AGBL3: variants seen among roughly 807,000 people sequenced by gnomAD.
AGBL3 encodes cytosolic carboxypeptidase 3.
In AGBL3, 68 loss-of-function variants were observed where a neutral mutation model predicts 94.5. The ratio of observed to expected loss-of-function variants is 0.72; its 90% CI spans 0.59 to 0.88. The LOEUF (loss-of-function observed/expected upper bound fraction) is 0.88, where lower values mean the gene tolerates loss of function less well. Among genes scored for constraint, AGBL3 ranks in the 40% least tolerant of loss-of-function variants. The pLI, the probability that AGBL3 is intolerant of heterozygous loss-of-function variation, is 0.00. For missense variants in AGBL3, 934 were observed against 1,103.8 expected (o/e 0.85, Z 2.18); for synonymous variants, 354 against 370.7 (o/e 0.95, Z 0.52).
At chr7:135,000,698 A>G (rs1811607072) in intron 4 of AGBL3, among the ~76,000 whole-genome samples, 1 of 152,236 alleles carries the variant, frequency 6.6e-6, no homozygotes, top group South Asian at 2.1e-4. Context: ...ATTCAGTCAC[A>G]GGGGCATTTT....
intron 16 of AGBL3, among the ~76,000 whole-genome samples, chr7:135,116,649 C>G (rs1229005932): frequency 6.6e-6 from 1 of 152,122 alleles, no homozygotes; most frequent in Non-Finnish European, 1.5e-5. Context: ...AAAGTTCTGG[C>G]TTCTATTTGT....
intron 11 of AGBL3, among the ~76,000 whole-genome samples, chr7:135,049,443 ATGAAT>A (rs777112540): frequency 2.0e-5 from 3 of 151,980 alleles, no homozygotes; most frequent in Non-Finnish European, 4.4e-5. Context: ...GCGTCCTAAA[ATGAAT>A]TGAAAGTTCA....
At chr7:135,016,101 A>C (rs1319518849) in intron 4 of AGBL3, among the ~76,000 whole-genome samples, 3 of 152,036 alleles carry the variant, frequency 2.0e-5, no homozygotes, top group Non-Finnish European at 2.9e-5. Flanking sequence ...TGAAATTCCT[A>C]ATGTTTTCAG....
intron 15 of AGBL3, chr7:135,093,482 G>A (rs1333730324): frequency 6.6e-6 from 1 of 152,024 alleles, no homozygotes; most frequent in African/African-American, 2.4e-5. Flanking sequence ...TTTAAAAAAT[G>A]AAATTAAGAA....
chr7:135,056,205 G>C (rs1818335129), intron 11 of AGBL3, among the ~76,000 whole-genome samples: 1 of 151,990 alleles, frequency 6.6e-6, no homozygotes, highest in Non-Finnish European at 1.5e-5. Context: ...TTTCAAAGCA[G>C]CAGCATTGTG....
intron 2 of AGBL3, among the ~76,000 whole-genome samples, chr7:134,988,886 C>G (rs948439798): frequency 6.6e-6 from 1 of 152,186 alleles, no homozygotes; most frequent in South Asian, 2.1e-4. Flanking sequence ...GATCCACCCG[C>G]CTTGGCCTCC....
chr7:135,045,773 T>A (rs765521128), intron 10 of AGBL3, 26 bp from the exon 11 acceptor site: 1 of 1,458,826 alleles, frequency 6.9e-7, no homozygotes, highest in Non-Finnish European at 9.3e-7. Context: ...TATTTCATAA[T>A]GAGCTCATTT....
intron 15 of AGBL3, among the ~76,000 whole-genome samples, chr7:135,087,864 T>C (rs1821451358): frequency 6.6e-6 from 1 of 152,068 alleles, no homozygotes; most frequent in South Asian, 2.1e-4. Flanking sequence ...AAGTTCAATG[T>C]TTCTTTTTTA....
intron 15 of AGBL3, among the ~76,000 whole-genome samples, chr7:135,114,582 C>T (rs1323484673): frequency 1.3e-5 from 2 of 152,038 alleles, no homozygotes; most frequent in Non-Finnish European, 2.9e-5. Flanking sequence ...TGATTCCTCT[C>T]TTATTCTCTC....
At chr7:135,131,272 A>C (rs1421440886) in intron 16 of AGBL3, among the ~76,000 whole-genome samples, 2 of 152,064 alleles carry the variant, frequency 1.3e-5, no homozygotes, top group Non-Finnish European at 2.9e-5. Flanking sequence ...GTGAGAACAC[A>C]TGGACACATA....
At chr7:135,054,310 T>C (rs1323986211) in intron 11 of AGBL3, among the ~76,000 whole-genome samples, 3 of 152,202 alleles carry the variant, frequency 2.0e-5, no homozygotes, top group African/African-American at 7.2e-5. Context: ...ATAAAATCCA[T>C]TGGAACTTAA....
Position 135,115,460 on chromosome 7 carries a change from G to T in AGBL3, c.2191G>T (p.Asp731Tyr), listed in dbSNP as rs906547227. ...SKKTGINWTD[D>Y]EKRSYKDKGI... is the part of the protein sequence containing the mutation. ...GAAGACTGGCATAAATTGGACAGAT[G>T]ATGAAAAAAGAAGCTACAAGGATAA... Residue 731 changes from aspartate to tyrosine, a missense_variant, in exon 16 of 17, where the codon GAT becomes TAT. Asp to Tyr is a radical substitution (Grantham distance 160). This residue lies in a region of AGBL3 where 441 missense variants were observed against 518.2 expected (regional missense o/e 0.85). Coordinates refer to ENST00000436302, the MANE Select transcript of AGBL3 (RefSeq NM_178563.4). 2.6e-6 allele frequency: 4 copies of T among 1,549,416 alleles called. No homozygotes were observed. In the African/African-American group the frequency reaches 5.5e-5, roughly 21 times the overall value.
At chr7:135,115,116 T>G (rs1826142121) in intron 15 of AGBL3, among the ~76,000 whole-genome samples, 1 of 152,184 alleles carries the variant, frequency 6.6e-6, no homozygotes, top group Admixed American at 6.5e-5. Context: ...ATAAGGAGGC[T>G]TTTTCTTAAC....
intron 3 of AGBL3, among the ~76,000 whole-genome samples, chr7:134,991,316 A>G (rs897472971): frequency 6.6e-6 from 1 of 151,956 alleles, no homozygotes; most frequent in Admixed American, 6.6e-5. Context: ...CAGGATTAGG[A>G]GATACCTTTC....
intron 12 of AGBL3, among the ~76,000 whole-genome samples, chr7:135,075,514 G>C (rs1346532600): frequency 1.3e-5 from 2 of 152,104 alleles, no homozygotes; most frequent in East Asian, 3.8e-4. Flanking sequence ...TTTTCAGTTT[G>C]GGGCCATTAT....
chr7:135,098,275 G>A (rs1029653000), intron 15 of AGBL3, among the ~76,000 whole-genome samples: 14 of 152,132 alleles, frequency 9.2e-5, no homozygotes, highest in African/African-American at 3.1e-4. Context: ...ATCTGCATAT[G>A]CTCAAGTCCT....
At chr7:135,032,471 ATT>A (rs375307379) in intron 5 of AGBL3, among the ~76,000 whole-genome samples, 277 of 134,352 alleles carry the variant, frequency 2.1e-3, no homozygotes, top group African/African-American at 6.4e-3. Flanking sequence ...CACCTGGCTA[ATT>A]TTTTTTTTTT....
intron 15 of AGBL3, among the ~76,000 whole-genome samples, chr7:135,089,730 A>G (rs1483018330): frequency 6.6e-6 from 1 of 152,108 alleles, no homozygotes; most frequent in African/African-American, 2.4e-5. Context: ...AGGTCTTCCT[A>G]TTTTTGTTTT....
At chr7:135,071,137 A>G (rs889515374) in intron 12 of AGBL3, among the ~76,000 whole-genome samples, 7 of 152,196 alleles carry the variant, frequency 4.6e-5, no homozygotes, top group African/African-American at 1.7e-4. Flanking sequence ...TTCAAAGAGA[A>G]TAAAATACCT....
Sources: gnomAD v4.1 joint callset for allele counts (sites outside exome capture counted in the v4.1 genomes callset) on GRCh38, gnomAD v4.1.1 for gene constraint, gnomAD v4.1.1 regional missense constraint, MANE v1.5 for transcripts, NCBI Gene and HGNC (gene_info 2026-07-23, HGNC 2026-07-21) for gene names.